The following TENM2 variants were observed in gnomAD, a reference collection of about 807,000 sequenced individuals.
TENM2 encodes the protein teneurin transmembrane protein 2.
In TENM2, 52 loss-of-function variants were observed where a neutral mutation model predicts 245.2. That is an observed-to-expected ratio of 0.21 (90% confidence interval 0.17 to 0.27). TENM2 has a LOEUF of 0.27. Ranked by LOEUF, TENM2 falls within the 10% of genes least tolerant of loss-of-function variation. The pLI, the probability that TENM2 is intolerant of heterozygous loss-of-function variation, is 1.00. For synonymous variants in TENM2, 1,363 were observed against 1,438.9 expected (o/e 0.95, Z 1.19); for missense variants, 3,046 against 3,666.8 (o/e 0.83, Z 4.37).
At chr5:168,253,546 C>CT (rs2152705187) in intron 27 of TENM2, among the ~76,000 whole-genome samples, 1 of 151,990 alleles carries the variant, frequency 6.6e-6, no homozygotes, top group Non-Finnish European at 1.5e-5. Context: ...CTGCCTCAGC[C>CT]CGCGGAGTAG....
chr5:167,839,492 G>A (rs539652675), intron 2 of TENM2, among the ~76,000 whole-genome samples: 4 of 152,126 alleles, frequency 2.6e-5, no homozygotes, highest in Admixed American at 2.0e-4. Context: ...GGTTAGATAG[G>A]CCCTGATGTA....
At chr5:168,227,516 CTTTTTTTTT>C (rs56834297) in intron 24 of TENM2, among the ~76,000 whole-genome samples, 2 of 130,624 alleles carry the variant, frequency 1.5e-5, no homozygotes, top group South Asian at 5.0e-4. Context: ...ATTTGCCTTT[CTTTTTTTTT>C]TTTTTTTTCC....
chr5:167,267,528 A>C, the TENM2 span, among the ~76,000 whole-genome samples: 7 of 152,280 alleles, frequency 4.6e-5, no homozygotes, highest in South Asian at 1.4e-3. Context: ...ATCAGACACT[A>C]TCTCTATATT....
chr5:167,779,086 T>G (rs1764005219), intron 2 of TENM2, among the ~76,000 whole-genome samples: 1 of 152,224 alleles, frequency 6.6e-6, no homozygotes, highest in African/African-American at 2.4e-5. Flanking sequence ...CTTTTCATTC[T>G]AAACATAAAG....
At chr5:167,923,628 C>T (rs1304863854) in intron 3 of TENM2, among the ~76,000 whole-genome samples, 4 of 152,184 alleles carry the variant, frequency 2.6e-5, no homozygotes, top group Non-Finnish European at 5.9e-5. Flanking sequence ...TAAATGAATG[C>T]CACATGTATT....
At chr5:167,538,326 A>C (rs1771982301) in intron 2 of TENM2, among the ~76,000 whole-genome samples, 1 of 152,240 alleles carries the variant, frequency 6.6e-6, no homozygotes, top group Non-Finnish European at 1.5e-5. Context: ...AAGGCTCATC[A>C]AACACTTTGA....
exon 27 of TENM2, chr5:168,248,262 C>A (rs1562335458): frequency 6.2e-7 from 1 of 1,614,036 alleles, no homozygotes; most frequent in Middle Eastern, 1.6e-4. Flanking sequence ...CCTCCCCAGA[C>A]TATACCATGT....
intron 10 of TENM2, among the ~76,000 whole-genome samples, chr5:168,120,278 TC>T (rs1438901290): frequency 3.9e-5 from 6 of 152,188 alleles, no homozygotes; most frequent in Admixed American, 3.9e-4. Flanking sequence ...CCTCCCTATG[TC>T]TGCATCATAA....
At chr5:168,243,185 A>G (rs1766262282) in intron 25 of TENM2, among the ~76,000 whole-genome samples, 1 of 152,026 alleles carries the variant, frequency 6.6e-6, no homozygotes, top group Admixed American at 6.6e-5. Flanking sequence ...GGTTCATTTC[A>G]TTCACTTCCA....
the TENM2 span, among the ~76,000 whole-genome samples, chr5:167,277,804 A>G: frequency 1.3e-5 from 2 of 150,616 alleles, no homozygotes; most frequent in Non-Finnish European, 1.5e-5. Context: ...GTGGTCATAC[A>G]TATTTAGAAT....
intron 9 of TENM2, among the ~76,000 whole-genome samples, chr5:168,109,751 T>C (rs891931): frequency 0.57 from 86,959 of 151,982 alleles, 25,322 homozygotes; most frequent in African/African-American, 0.67. Context: ...CCCTTGAACT[T>C]TGCTTGGACT....
the TENM2 span, among the ~76,000 whole-genome samples, chr5:167,242,046 G>GTTTTTTT: frequency 2.5e-4 from 33 of 131,480 alleles, no homozygotes; most frequent in African/African-American, 7.9e-4. Flanking sequence ...TTTGTTTTTT[G>GTTTTTTT]TTTTTTTTTT....
intron 2 of TENM2, among the ~76,000 whole-genome samples, chr5:167,652,962 C>G (rs913641680): frequency 1.3e-5 from 2 of 152,288 alleles, no homozygotes; most frequent in Middle Eastern, 3.4e-3. Flanking sequence ...CTTTCAGAGT[C>G]TAATGCAACC....
At chr5:167,207,184 T>C in the TENM2 span, among the ~76,000 whole-genome samples, 1 of 152,218 alleles carries the variant, frequency 6.6e-6, no homozygotes, top group Admixed American at 6.5e-5. Flanking sequence ...CCATCATCTC[T>C]TGGTGAGAAA....
intron 15 of TENM2, 35 bp from the exon 18 acceptor site, chr5:168,198,818 C>A (rs1410563426): frequency 1.1e-5 from 17 of 1,602,628 alleles, no homozygotes; most frequent in Middle Eastern, 3.3e-4. Flanking sequence ...AAAAGTGAGT[C>A]TACCCCCTCA....
chr5:167,428,863 A>G (rs1375228827), intron 2 of TENM2, among the ~76,000 whole-genome samples: 1 of 152,200 alleles, frequency 6.6e-6, no homozygotes. Context: ...GCCTTACACA[A>G]GGATGTGTTC....
chr5:168,200,042 T>C (rs757678093), exon 17 of TENM2: 11 of 1,613,914 alleles, frequency 6.8e-6, no homozygotes, highest in Non-Finnish European at 9.3e-6. Context: ...CAGAAGTCAT[T>C]CCAGGCTTCT....
the TENM2 span, among the ~76,000 whole-genome samples, chr5:167,033,026 G>A: frequency 1.3e-5 from 2 of 152,134 alleles, no homozygotes; most frequent in African/African-American, 4.8e-5. Context: ...GTTCATGTAG[G>A]TAGGGCAATG....
chr5:167,231,774 G>A, the TENM2 span, among the ~76,000 whole-genome samples: 1 of 152,324 alleles, frequency 6.6e-6, no homozygotes, highest in South Asian at 2.1e-4. Context: ...TAAGTAATGA[G>A]AAGCCAAATG....
Sources: allele counts gnomAD v4.1 joint callset (sites outside exome capture counted in the v4.1 genomes callset), GRCh38; gene constraint gnomAD v4.1.1; transcripts MANE v1.5; gene names NCBI Gene and HGNC (gene_info 2026-07-23, HGNC 2026-07-21).